The following DLGAP2 variants were observed in gnomAD, a reference collection of about 807,000 sequenced individuals.
DLGAP2 encodes the protein DLG associated protein 2.
A neutral mutation model predicts 100.3 loss-of-function variants in DLGAP2; 26 were observed. The observed-to-expected ratio is 0.26, with a 90% CI of 0.19 to 0.36. The LOEUF (loss-of-function observed/expected upper bound fraction) is 0.36. Among genes scored for constraint, DLGAP2 ranks in the 10% least tolerant of loss-of-function variants. The pLI is 1.00. For synonymous variants in DLGAP2, 886 were observed against 630.1 expected, an observed-to-expected ratio of 1.41 and a Z score of -6.08; for missense variants, 1,858 against 1,453.2, an observed-to-expected ratio of 1.28 and a Z score of -4.53.
intron 12 of DLGAP2, chr8:1,678,839 G>C (rs1211812842): frequency 3.8e-6 from 2 of 524,736 alleles, no homozygotes; most frequent in Non-Finnish European, 6.1e-6. Context: ...AAGGAAAATT[G>C]TGTGTGTTTT....
At position 1,256,770 on chromosome 8, in the gene DLGAP2, G is replaced by A. The variant is rs140024410; in HGVS notation, c.74-2081G>A. ...GAATTTGTGAAGGGGTGGTGCCTGC[G>A]TTTCCAGGTCAACTAAACCTGAGGG... On this transcript the variant is annotated intron_variant, in intron 2 of 14. Coordinates refer to ENST00000637795, the MANE Select transcript of DLGAP2 (RefSeq NM_001346810.2). Among the ~76,000 whole-genome samples the A allele has an allele frequency of 5.0e-4, 76 of 152,294 alleles. No individual in the cohort carries two copies. In the East Asian group the frequency reaches 0.012, roughly 24 times the overall value.
chr8:1,173,123 T>C (rs1318350111), intron 2 of DLGAP2, among the ~76,000 whole-genome samples: 3 of 152,242 alleles, frequency 2.0e-5, no homozygotes, highest in Non-Finnish European at 4.4e-5. Context: ...GCTGCAGGTC[T>C]GTTGGAGTTT....
chr8:1,527,108 A>G (rs1037932553), intron 4 of DLGAP2, among the ~76,000 whole-genome samples: 1 of 152,160 alleles, frequency 6.6e-6, no homozygotes, highest in Admixed American at 6.5e-5. Context: ...ACAGCTTCAC[A>G]TCGTCTACAC....
At chr8:806,085 T>C (rs1388873456) in intron 1 of DLGAP2, among the ~76,000 whole-genome samples, 1 of 152,116 alleles carries the variant, frequency 6.6e-6, no homozygotes, top group African/African-American at 2.4e-5. Context: ...ACATGGAAAA[T>C]TGGGTGTCAG....
intron 3 of DLGAP2, among the ~76,000 whole-genome samples, chr8:1,446,108 T>C (rs28795149): frequency 0.21 from 32,169 of 151,802 alleles, 3,747 homozygotes; most frequent in East Asian, 0.33. Flanking sequence ...AGATCCCATT[T>C]GTCAATTTTG....
chr8:1,546,784 A>AGG (rs1176244914), intron 4 of DLGAP2, among the ~76,000 whole-genome samples: 1 of 152,124 alleles, frequency 6.6e-6, no homozygotes, highest in Non-Finnish European at 1.5e-5. Context: ...CAGGCTGCTT[A>AGG]GGGTGGTGGC....
intron 1 of DLGAP2, among the ~76,000 whole-genome samples, chr8:761,363 C>G (rs771074492): frequency 2.0e-5 from 3 of 152,228 alleles, no homozygotes; most frequent in Non-Finnish European, 4.4e-5. Context: ...GTTCCTCAAC[C>G]ACCTCGAATC....
intron 12 of DLGAP2, among the ~76,000 whole-genome samples, chr8:1,690,761 C>T (rs1799240220): frequency 6.9e-6 from 1 of 144,770 alleles, no homozygotes; most frequent in African/African-American, 2.5e-5. Flanking sequence ...AAAGTCATTG[C>T]AATTAGGAAC....
intron 4 of DLGAP2, among the ~76,000 whole-genome samples, chr8:1,505,615 G>A (rs1289672317): frequency 6.6e-6 from 1 of 152,164 alleles, no homozygotes; most frequent in Non-Finnish European, 1.5e-5. Flanking sequence ...GGAGGATAAG[G>A]AAGTTTTCCA....
intron 3 of DLGAP2, among the ~76,000 whole-genome samples, chr8:1,501,152 A>G (rs1344737736): frequency 2.0e-5 from 3 of 152,234 alleles, no homozygotes; most frequent in South Asian, 2.1e-4. Flanking sequence ...AAATACGTGC[A>G]TCTGTGGTCA....
At chr8:853,255 G>A (rs2128988083) in intron 1 of DLGAP2, among the ~76,000 whole-genome samples, 1 of 152,294 alleles carries the variant, frequency 6.6e-6, no homozygotes, top group Non-Finnish European at 1.5e-5. Flanking sequence ...GTGGAGGAGG[G>A]AGGTCCAGGG....
In DLGAP2 at chr8:1,118,084, G is replaced by A. The variant is rs868130631; in HGVS notation, c.74-140767G>A. Among the ~76,000 whole-genome samples the A allele has an allele frequency of 3.3e-5, 5 of 152,330 alleles. No homozygotes were observed. The South Asian group carries it at 1.0e-3, about 32-fold the overall frequency. On this transcript the variant is annotated intron_variant, in intron 2 of 14. Transcript: ENST00000637795. ...GTTTTGACCTGAATGCTGTACCTCA[G>A]CTCCCAAAAGCATTGCATGTCAGTT... is the stretch of plus-strand genomic sequence containing the variant.
In DLGAP2 at chr8:1,604,153, C is replaced by T. The variant is rs532493500; in HGVS notation, c.1443-22587C>T. The stretch of plus-strand genomic sequence containing the variant: ...CACTGCAGACACTGTTCACATATGG[C>T]CGTTATCGACATGGATTCAGAAATC... On this transcript the variant is annotated intron_variant, in intron 6 of 14. Transcript: ENST00000637795. 2.6e-5 allele frequency among the ~76,000 whole-genome samples: 4 copies of T among 152,266 alleles called. No individual in the cohort carries two copies. In the South Asian group the frequency reaches 6.2e-4, roughly 24 times the overall value.
At chr8:1,606,484 T>C (rs1796804651) in intron 6 of DLGAP2, among the ~76,000 whole-genome samples, 2 of 152,124 alleles carry the variant, frequency 1.3e-5, no homozygotes, top group South Asian at 4.1e-4. Context: ...CCCACAATAC[T>C]GTATCTTTGT....
At chr8:1,144,577 C>G (rs1201913266) in intron 2 of DLGAP2, among the ~76,000 whole-genome samples, 1 of 152,222 alleles carries the variant, frequency 6.6e-6, no homozygotes, top group African/African-American at 2.4e-5. Flanking sequence ...GAAATAAACG[C>G]TCTTTCCATC....
At chr8:839,046 C>A (rs1387584463) in intron 1 of DLGAP2, among the ~76,000 whole-genome samples, 1 of 152,142 alleles carries the variant, frequency 6.6e-6, no homozygotes, top group African/African-American at 2.4e-5. Context: ...TATCACCTCA[C>A]ACCTGTTAGG....
chr8:1,675,013 G>A (rs755702194), intron 10 of DLGAP2, among the ~76,000 whole-genome samples: 11 of 152,204 alleles, frequency 7.2e-5, no homozygotes, highest in Non-Finnish European at 1.5e-4. Context: ...GGTAAATTCT[G>A]ACAGGAAGGC....
chr8:1,232,950 G>A (rs1347832838), intron 2 of DLGAP2, among the ~76,000 whole-genome samples: 1 of 152,154 alleles, frequency 6.6e-6, no homozygotes, highest in East Asian at 1.9e-4. Context: ...CCCCTGCCCA[G>A]CCCTAGGAAG....
chr8:1,563,779 C>T (rs1358457921), intron 5 of DLGAP2, among the ~76,000 whole-genome samples: 1 of 152,146 alleles, frequency 6.6e-6, no homozygotes, highest in Non-Finnish European at 1.5e-5. Flanking sequence ...AATACAGGGG[C>T]CTTCAGCCAG....
Sources: allele counts gnomAD v4.1 joint callset (sites outside exome capture counted in the v4.1 genomes callset), GRCh38; gene constraint gnomAD v4.1.1; transcripts MANE v1.5; gene names NCBI Gene and HGNC (gene_info 2026-07-23, HGNC 2026-07-21).